RNF217: variants seen among roughly 807,000 people sequenced by gnomAD.
The protein encoded by RNF217 is ring finger protein 217.
In RNF217, 31 loss-of-function variants were observed where a neutral mutation model predicts 57.8. The ratio of observed to expected loss-of-function variants is 0.54; its 90% CI spans 0.40 to 0.72. RNF217 has a LOEUF of 0.72. RNF217 is among the 30% of genes least tolerant of loss of function. The probability of loss-of-function intolerance (pLI) is 0.00; values close to 1 mark genes in which losing one functional copy is unlikely to be tolerated. For synonymous variants in RNF217, 313 were observed against 294.0 expected, an observed-to-expected ratio of 1.06 and a Z score of -0.66; for missense variants, 696 against 708.3, an observed-to-expected ratio of 0.98 and a Z score of 0.20.
At chr6:124,968,144 A>G (rs1252306300) in intron 1 of RNF217, among the ~76,000 whole-genome samples, 5 of 152,306 alleles carry the variant, frequency 3.3e-5, no homozygotes, top group Middle Eastern at 3.4e-3. Context: ...CATTGTGTTC[A>G]GTGTTGAGTT....
chr6:125,050,156 G>A lies in RNF217; in HGVS notation c.1116+4712G>A, dbSNP rs562017079. On this transcript the variant is annotated intron_variant, in intron 2 of 5. Transcript: ENST00000521654. Reference sequence around the variant, plus strand: ...TTTTACTGAGGTAGGTGCAATTCTGGGTTTCATTCTTATTCCAAGTGCAGA... The same window carrying A: ...TTTTACTGAGGTAGGTGCAATTCTGAGTTTCATTCTTATTCCAAGTGCAGA... 1.2e-3 allele frequency among the ~76,000 whole-genome samples: 175 copies of A among 151,952 alleles called. 1 individual carries two copies. Among genetic ancestry groups the A allele is most frequent in the Admixed American group, 9.9e-4 (15 of 15,204 alleles).
intron 3 of RNF217, among the ~76,000 whole-genome samples, chr6:125,065,181 C>T (rs1787890711): frequency 6.6e-6 from 1 of 150,378 alleles, no homozygotes; most frequent in Admixed American, 6.7e-5. Context: ...GTCCCAGCTA[C>T]TTGGGAGGCT....
chr6:125,066,728 G>T (rs1787949622), intron 3 of RNF217, among the ~76,000 whole-genome samples: 1 of 151,198 alleles, frequency 6.6e-6, no homozygotes, highest in South Asian at 2.1e-4. Flanking sequence ...TTTTGCAGCT[G>T]TGAGAGCAGA....
chr6:125,025,062 G>A (rs1786020395), intron 1 of RNF217, among the ~76,000 whole-genome samples: 1 of 152,162 alleles, frequency 6.6e-6, no homozygotes, highest in Non-Finnish European at 1.5e-5. Context: ...ACAGGGGACA[G>A]AAAGAAGTCA....
At position 125,080,824 on chromosome 6, in the gene RNF217, A is replaced by G. The variant is rs142164259; in HGVS notation, c.1484-612A>G. 4.2e-3 allele frequency among the ~76,000 whole-genome samples: 641 copies of G among 152,142 alleles called. 1 individual carries two copies. Among genetic ancestry groups the G allele is most frequent in the South Asian group, 0.016 (76 of 4,818 alleles). ...TATTTTATAAGTGCTTCCTTTTTCA[A>G]TTCGTTAAAATGATTCACTTGAGTA... On this transcript the variant is annotated intron_variant, in intron 4 of 5. Coordinates refer to ENST00000521654, the MANE Select transcript of RNF217 (RefSeq NM_001286398.3).
chr6:125,061,112 TATAA>T (rs1374125912), intron 3 of RNF217, among the ~76,000 whole-genome samples: 1 of 152,146 alleles, frequency 6.6e-6, no homozygotes, highest in African/African-American at 2.4e-5. Flanking sequence ...AATTGTGTAT[TATAA>T]ATAATGTGTT....
At chr6:125,047,507 G>T (rs1422183460) in intron 2 of RNF217, among the ~76,000 whole-genome samples, 1 of 152,020 alleles carries the variant, frequency 6.6e-6, no homozygotes, top group Non-Finnish European at 1.5e-5. Context: ...CCAGAGGTCA[G>T]GCTTCTCCAA....
chr6:125,014,376 G>A (rs1295135667), intron 1 of RNF217, among the ~76,000 whole-genome samples: 1 of 152,150 alleles, frequency 6.6e-6, no homozygotes, highest in South Asian at 2.1e-4. Context: ...ATTCTGTGAG[G>A]TATATGTAGA....
chr6:125,076,757 T>A lies in RNF217; in HGVS notation c.1382T>A (p.Phe461Tyr). ...RCGERYRQLR[F>Y]FGDHTSNLSI... ...GGTGAGAGATACCGCCAGCTCCGAT[T>A]TTTTGGAGACCACACATCAAACCTC... is the stretch of plus-strand genomic sequence containing the variant. Residue 461 changes from phenylalanine (F) to tyrosine (Y), a missense_variant, in exon 4 of 6, where the codon TTT (phenylalanine) becomes TAT (tyrosine). Phe to Tyr is a conservative substitution (Grantham distance 22). Coordinates refer to ENST00000521654, the MANE Select transcript of RNF217 (RefSeq NM_001286398.3). The A allele has an allele frequency of 1.9e-6, 3 of 1,613,662 alleles. No individual in the cohort carries two copies. Among genetic ancestry groups the A allele is most frequent in the Non-Finnish European group, 2.5e-6 (3 of 1,179,732 alleles).
chr6:124,963,147 C>A lies in RNF217; in HGVS notation c.603C>A (p.Arg201=). The A allele has an allele frequency of 6.5e-7, 1 of 1,534,322 alleles. No homozygotes were observed. The highest frequency in any genetic ancestry group is 2.0e-5 in the Admixed American group (1 of 50,858). The change falls in exon 1 of 6, where the codon CGC becomes CGA. Residue 201 remains arginine, a synonymous_variant. Transcript: ENST00000521654. ...APPVLNPPST[R]SSFPSPRLSL... ...CAGTGTTGAACCCTCCCAGCACCCG[C>A]TCTTCCTTCCCCAGCCCCCGACTGT...
chr6:125,005,605 G>T (rs967046285), intron 1 of RNF217, among the ~76,000 whole-genome samples: 17 of 152,104 alleles, frequency 1.1e-4, no homozygotes, highest in South Asian at 2.1e-4. Flanking sequence ...TCTTTTGAAA[G>T]AACTTTTTTC....
chr6:125,009,573 C>G (rs777354034), intron 1 of RNF217: 3 of 324,744 alleles, frequency 9.2e-6, no homozygotes, highest in Admixed American at 4.9e-5. Context: ...GCTGACTATT[C>G]TATTGCATTA....
chr6:125,064,049 C>A (rs1418887414), intron 3 of RNF217, among the ~76,000 whole-genome samples: 1 of 152,110 alleles, frequency 6.6e-6, no homozygotes, highest in Non-Finnish European at 1.5e-5. Flanking sequence ...ATGTAACTTG[C>A]AGTTGCTGAA....
intron 1 of RNF217, chr6:125,006,090 A>T (rs1000976398): frequency 2.6e-5 from 4 of 152,226 alleles, no homozygotes; most frequent in African/African-American, 9.6e-5. Context: ...TGCAAATGAT[A>T]AGAGGCTTGA....
At chr6:124,971,501 G>T in intron 1 of RNF217, 1 of 329,184 alleles carries the variant, frequency 3.0e-6, no homozygotes, top group South Asian at 2.4e-5. Context: ...CTGTCACCAG[G>T]CTGGAGTGCA....
rs144881550 is a variant in RNF217, at chr6:124,973,218, C to T, written c.882+9792C>T. Among the ~76,000 whole-genome samples, 455 of 152,262 alleles carry T rather than the reference C, an allele frequency of 3.0e-3. 1 individual carries two copies. Among genetic ancestry groups the T allele is most frequent in the African/African-American group, 0.011 (445 of 41,556 alleles). The stretch of plus-strand genomic sequence containing the variant: ...TCATAACACTGTGGATAAGATTTGG[C>T]CTCTGCATCCTCTTCAGTCCCTTCT... On this transcript the variant is annotated intron_variant, in intron 1 of 5. Transcript: ENST00000521654.
chr6:124,993,111 A>G (rs140246676), intron 1 of RNF217, among the ~76,000 whole-genome samples: 15 of 152,294 alleles, frequency 9.8e-5, no homozygotes, highest in African/African-American at 3.6e-4. Context: ...AATATACTTG[A>G]TATATGAACT....
intron 1 of RNF217, among the ~76,000 whole-genome samples, chr6:124,983,749 T>C (rs981084336): frequency 2.6e-5 from 4 of 152,218 alleles, no homozygotes; most frequent in African/African-American, 9.7e-5. Context: ...ATCTTTGCCC[T>C]GTAATAACTA....
chr6:125,082,572 C>T (rs1029356828), intron 5 of RNF217: 17 of 1,608,854 alleles, frequency 1.1e-5, no homozygotes, highest in Non-Finnish European at 1.4e-5. Flanking sequence ...GTGTGAGTAT[C>T]ATAGTGTGCA....
Sources: gnomAD v4.1 joint callset for allele counts (sites outside exome capture counted in the v4.1 genomes callset) on GRCh38, gnomAD v4.1.1 for gene constraint, MANE v1.5 for transcripts, NCBI Gene and HGNC (gene_info 2026-07-23, HGNC 2026-07-21) for gene names.